The following CALN1 variants were observed in gnomAD, a reference collection of about 807,000 sequenced individuals.
The protein encoded by CALN1 is calneuron 1.
A neutral mutation model predicts 30.6 loss-of-function variants in CALN1; 17 were observed. The observed-to-expected ratio is 0.56, with a 90% CI of 0.38 to 0.83. The LOEUF is 0.83. CALN1 is among the 40% of genes least tolerant of loss of function. CALN1 has a pLI of 0.00. For synonymous variants in CALN1, 156 were observed against 131.4 expected (o/e 1.19, Z -1.28); for missense variants, 291 against 354.9 (o/e 0.82, Z 1.45).
intron 5 of CALN1, among the ~76,000 whole-genome samples, chr7:71,891,230 C>A (rs1315677704): frequency 1.3e-5 from 2 of 152,128 alleles, no homozygotes. Context: ...GCGACAAAAG[C>A]AAAGGAACTC....
At chr7:72,292,754 A>G (rs1439738923) in intron 2 of CALN1, among the ~76,000 whole-genome samples, 6 of 144,468 alleles carry the variant, frequency 4.2e-5, no homozygotes, top group East Asian at 2.1e-4. Context: ...CTGGGAGGTG[A>G]AGGTTACAGT....
At chr7:72,231,497 T>C (rs533134854) in intron 3 of CALN1, among the ~76,000 whole-genome samples, 52 of 152,356 alleles carry the variant, frequency 3.4e-4, no homozygotes, top group African/African-American at 1.1e-3. Context: ...TATTCCATGG[T>C]ATATGTACCA....
At chr7:72,473,927 TA>T in the CALN1 span, among the ~76,000 whole-genome samples, 7,272 of 134,850 alleles carry the variant, frequency 0.054, 541 homozygotes, top group African/African-American at 0.17. Context: ...AGACTCTGTT[TA>T]AAAAAAAAAA....
At chr7:72,390,109 G>GA (rs1248747958) in intron 2 of CALN1, among the ~76,000 whole-genome samples, 2 of 152,080 alleles carry the variant, frequency 1.3e-5, no homozygotes, top group Admixed American at 6.5e-5. Flanking sequence ...GGGAAGACCT[G>GA]AAAAAAGAAG....
chr7:71,910,467 G>A (rs1006102993), intron 5 of CALN1, among the ~76,000 whole-genome samples: 3 of 152,288 alleles, frequency 2.0e-5, no homozygotes, highest in Non-Finnish European at 4.4e-5. Flanking sequence ...TGCACCAAAC[G>A]TTTGTTTGTT....
rs1227672334 is a variant in CALN1 at position 72,281,125 on chromosome 7, C to A, written c.120-2315G>T. On this transcript the variant is annotated intron_variant, in intron 2 of 6. Coordinates refer to ENST00000395275, the MANE Select transcript of CALN1 (RefSeq NM_031468.4). Reference sequence around the variant, plus strand: ...TGCCATTGCTCTCCAGCCTGGGCAACAAGAGCGTCTAAAAAAAAAAAAAGA... The same window carrying A: ...TGCCATTGCTCTCCAGCCTGGGCAAAAAGAGCGTCTAAAAAAAAAAAAAGA... 2.7e-5 allele frequency among the ~76,000 whole-genome samples: 4 copies of A among 150,522 alleles called. No homozygotes were observed. The East Asian group carries it at 7.8e-4, about 29-fold the overall frequency.
chr7:72,252,710 C>T (rs926090233), intron 3 of CALN1, among the ~76,000 whole-genome samples: 9 of 152,102 alleles, frequency 5.9e-5, no homozygotes, highest in African/African-American at 2.2e-4. Context: ...CTTGTCCTAG[C>T]CACCACCGTA....
In CALN1 at chr7:71,909,043, G is replaced by A. The variant is rs13229182; in HGVS notation, c.502-98551C>T. On this transcript the variant is annotated intron_variant, in intron 5 of 6. Transcript: ENST00000395275. ...ATTGATTGACTGACGGGCAGACAAGGTCTTGCTCTGTTGCCCAGGCTGGAG... is the reference window on the plus strand; with the variant it reads ...ATTGATTGACTGACGGGCAGACAAGATCTTGCTCTGTTGCCCAGGCTGGAG... Among the ~76,000 whole-genome samples the A allele has an allele frequency of 3.0e-3, 463 of 152,200 alleles. 1 individual carries two copies. Among genetic ancestry groups the A allele is most frequent in the Admixed American group, 5.6e-3 (86 of 15,290 alleles).
At chr7:71,805,493 C>G (rs982390788) in intron 6 of CALN1, among the ~76,000 whole-genome samples, 12 of 152,096 alleles carry the variant, frequency 7.9e-5, no homozygotes, top group Non-Finnish European at 1.8e-4. Context: ...CAGTTAGGTG[C>G]TAGATTCATC....
chr7:72,000,627 T>TC (rs1799477138), intron 5 of CALN1, among the ~76,000 whole-genome samples: 1 of 152,122 alleles, frequency 6.6e-6, no homozygotes, highest in African/African-American at 2.4e-5. Context: ...ATACCATCTC[T>TC]CCCATAAACA....
At chr7:72,497,177 T>C in the CALN1 span, among the ~76,000 whole-genome samples, 2 of 152,174 alleles carry the variant, frequency 1.3e-5, no homozygotes, top group African/African-American at 4.8e-5. Flanking sequence ...CAGTGGCTCA[T>C]GCCTGTAATC....
chr7:72,242,612 G>C (rs1226564271), intron 3 of CALN1, among the ~76,000 whole-genome samples: 3 of 152,184 alleles, frequency 2.0e-5, no homozygotes, highest in African/African-American at 7.2e-5. Flanking sequence ...TTAAGGCCAG[G>C]CGCAGTGGCT....
intron 3 of CALN1, among the ~76,000 whole-genome samples, chr7:72,204,381 C>T (rs1791676525): frequency 6.6e-6 from 1 of 151,572 alleles, no homozygotes; most frequent in Non-Finnish European, 1.5e-5. Flanking sequence ...ATCAAATTTC[C>T]ATGTGAAAAA....
intron 5 of CALN1, among the ~76,000 whole-genome samples, chr7:71,959,282 A>T (rs1797118602): frequency 6.6e-6 from 1 of 152,234 alleles, no homozygotes; most frequent in South Asian, 2.1e-4. Flanking sequence ...GGCTAGCAAC[A>T]TTGTGATCAG....
At chr7:72,180,162 G>A (rs1474283566) in intron 3 of CALN1, among the ~76,000 whole-genome samples, 2 of 152,148 alleles carry the variant, frequency 1.3e-5, no homozygotes, top group Admixed American at 1.3e-4. Context: ...CATTTAGTTT[G>A]TTCCTCTGTC....
At chr7:72,188,511 A>G (rs2129546637) in intron 3 of CALN1, among the ~76,000 whole-genome samples, 1 of 152,140 alleles carries the variant, frequency 6.6e-6, no homozygotes, top group South Asian at 2.1e-4. Flanking sequence ...TGAGGATTGA[A>G]AGGCATAAGA....
chr7:72,410,449 A>G (rs1807045606), intron 1 of CALN1, among the ~76,000 whole-genome samples: 1 of 152,228 alleles, frequency 6.6e-6, no homozygotes, highest in African/African-American at 2.4e-5. Flanking sequence ...ATGTAAAATC[A>G]AAGTTGTTTT....
chr7:71,843,134 C>T (rs1790029841), intron 5 of CALN1, among the ~76,000 whole-genome samples: 1 of 152,134 alleles, frequency 6.6e-6, no homozygotes, highest in African/African-American at 2.4e-5. Flanking sequence ...CTGAATCCAC[C>T]ATAATTTCTA....
chr7:72,387,672 A>T (rs1805319616), intron 2 of CALN1, among the ~76,000 whole-genome samples: 1 of 152,232 alleles, frequency 6.6e-6, no homozygotes. Context: ...TACAATATAC[A>T]TACCCAATAC....
Sources: allele counts gnomAD v4.1 joint callset (sites outside exome capture counted in the v4.1 genomes callset), GRCh38; gene constraint gnomAD v4.1.1; transcripts MANE v1.5; gene names NCBI Gene and HGNC (gene_info 2026-07-23, HGNC 2026-07-21).